NCF2: variants seen among roughly 807,000 people sequenced by gnomAD.
NCF2 encodes the protein neutrophil cytosol factor 2.
NCF2 carries 45 observed loss-of-function variants against 70.9 expected under a neutral mutation model. That is an observed-to-expected ratio of 0.63 (90% CI 0.50 to 0.81). The LOEUF (loss-of-function observed/expected upper bound fraction) is 0.81, where lower values mean the gene tolerates loss of function less well. Ranked by LOEUF, NCF2 falls within the 40% of genes least tolerant of loss-of-function variation. NCF2 has a pLI of 0.00. For missense variants in NCF2, 522 were observed against 631.6 expected (o/e 0.83, Z 1.86); for synonymous variants, 203 against 233.6 (o/e 0.87, Z 1.19).
intron 14 of NCF2, 40 bp from the exon 15 acceptor site, chr1:183,556,270 T>C (rs774347093): frequency 6.5e-7 from 1 of 1,545,098 alleles, no homozygotes; most frequent in Non-Finnish European, 9.0e-7. Flanking sequence ...CTAAAACCAC[T>C]GTAGGAAGAT....
At position 183,563,463 on chromosome 1, in the gene NCF2, C is replaced by CATGG; in HGVS notation, c.1148_1149insCCAT (p.Glu384HisfsTer9). 1 of 1,614,222 alleles carries CATGG rather than the reference C, an allele frequency of 6.2e-7. No individual in the cohort carries two copies. Among genetic ancestry groups the CATGG allele is most frequent in the Non-Finnish European group, 8.5e-7 (1 of 1,180,042 alleles). On this transcript the variant is annotated frameshift_variant, in exon 12 of 15. Coordinates refer to ENST00000367535, the MANE Select transcript of NCF2 (RefSeq NM_000433.4). LOFTEE classifies it high-confidence loss of function. ...GCTTAGTGTGTTCCAGCCGGAGCTC[C>CATGG]AGTTTCTTAGACACCATGTCCCGGA...
At chr1:183,568,904 G>GCC (rs532549013) in intron 7 of NCF2, among the ~76,000 whole-genome samples, 3 of 152,038 alleles carry the variant, frequency 2.0e-5, no homozygotes, top group Non-Finnish European at 4.4e-5. Context: ...CTGATGGCCA[G>GCC]CCCCACCACA....
chr1:183,567,532 C>T (rs986166767), intron 7 of NCF2, 187 bp from the exon 8 acceptor site: 10 of 780,712 alleles, frequency 1.3e-5, no homozygotes, highest in Middle Eastern at 2.2e-4. Context: ...TGGTGTACAC[C>T]TGCTCATAAC....
the NCF2 span, among the ~76,000 whole-genome samples, chr1:183,601,655 A>G: frequency 6.6e-6 from 1 of 152,086 alleles, no homozygotes; most frequent in Non-Finnish European, 1.5e-5. Context: ...CAGAAGATCA[A>G]GACCATCCTG....
At chr1:183,574,677 A>G in intron 3 of NCF2, 56 bp from the exon 4 acceptor site, 2 of 1,600,264 alleles carry the variant, frequency 1.2e-6, no homozygotes, top group South Asian at 2.2e-5. Context: ...TCAAGGTGCC[A>G]GGGAAAGGCT....
intron 2 of NCF2, among the ~76,000 whole-genome samples, chr1:183,583,391 A>G (rs10911364): frequency 0.081 from 12,312 of 152,054 alleles, 654 homozygotes; most frequent in African/African-American, 0.15. Flanking sequence ...TTAAGAAGTA[A>G]TTTCTCTAGC....
chr1:183,564,047 G>A lies in NCF2; in HGVS notation c.1001-17C>T, dbSNP rs768778355. The A allele has an allele frequency of 8.1e-6, 13 of 1,607,748 alleles. No individual in the cohort carries two copies. The East Asian group carries it at 1.1e-4, about 14-fold the overall frequency. On this transcript the variant is annotated splice_polypyrimidine_tract_variant and intron_variant, in intron 10 of 14. Coordinates refer to ENST00000367535, the MANE Select transcript of NCF2 (RefSeq NM_000433.4). ...GTTTCTGGCCTGAATGGAAAAAGTA[G>A]GGAGTAAAACAAAAGAAGATGGTGA...
chr1:183,558,302 C>T (rs990852198), intron 14 of NCF2, among the ~76,000 whole-genome samples: 14 of 151,262 alleles, frequency 9.3e-5, no homozygotes, highest in Admixed American at 8.6e-4. Context: ...GAGTCTCACT[C>T]TGTAACCCAG....
At chr1:183,556,765 G>A (rs1460931488) in intron 14 of NCF2, among the ~76,000 whole-genome samples, 1 of 152,202 alleles carries the variant, frequency 6.6e-6, no homozygotes, top group Non-Finnish European at 1.5e-5. Flanking sequence ...CTGGGCTCAA[G>A]TGATCCACCC....
the NCF2 span, among the ~76,000 whole-genome samples, chr1:183,599,432 T>TTC: frequency 1.1e-5 from 1 of 89,548 alleles, no homozygotes; most frequent in Non-Finnish European, 2.5e-5. Context: ...CCTTCTTTCT[T>TTC]TCTTTCTTTC....
intron 3 of NCF2, among the ~76,000 whole-genome samples, chr1:183,574,884 CA>C (rs1672728502): frequency 6.6e-6 from 1 of 152,090 alleles, no homozygotes; most frequent in African/African-American, 2.4e-5. Flanking sequence ...CAGGAAGGGA[CA>C]AGAATTATTG....
intron 13 of NCF2, among the ~76,000 whole-genome samples, chr1:183,562,915 G>T (rs1254823368): frequency 3.3e-5 from 5 of 152,140 alleles, no homozygotes; most frequent in African/African-American, 1.2e-4. Flanking sequence ...GTAATGGATG[G>T]GATGTTTGAC....
chr1:183,564,104 C>G, intron 10 of NCF2, 74 bp from the exon 11 acceptor site: 2 of 1,416,204 alleles, frequency 1.4e-6, no homozygotes, highest in South Asian at 1.1e-5. Context: ...CTGCCACACA[C>G]AGATGAAACC....
intron 3 of NCF2, among the ~76,000 whole-genome samples, chr1:183,574,884 C>G (rs1672728378): frequency 6.6e-6 from 1 of 152,090 alleles, no homozygotes; most frequent in Non-Finnish European, 1.5e-5. Flanking sequence ...CAGGAAGGGA[C>G]AAGAATTATT....
At chr1:183,580,097 TG>T (rs1672990657) in intron 2 of NCF2, among the ~76,000 whole-genome samples, 1 of 152,188 alleles carries the variant, frequency 6.6e-6, no homozygotes, top group Admixed American at 6.5e-5. Context: ...CCAGTGTGGC[TG>T]GGGGAGAAGC....
In NCF2 at chr1:183,571,114, C is replaced by CTTT. The variant is rs66625837; in HGVS notation, c.610-278_610-276dup. ...TGCAATTTGTATAACATCAAATTAT[C>CTTT]TTTTTTTTTTTTTTTTTTTTTGAGA... On this transcript the variant is annotated intron_variant, in intron 5 of 14. Coordinates refer to ENST00000367535, the MANE Select transcript of NCF2 (RefSeq NM_000433.4). Among the ~76,000 whole-genome samples, 280 of 106,760 alleles carry CTTT rather than the reference C, an allele frequency of 2.6e-3. 2 individuals carry two copies. Among genetic ancestry groups the CTTT allele is most frequent in the Non-Finnish European group, 3.2e-3 (176 of 54,678 alleles). The allele number at this position is 106,760 out of a possible 152,430, so 70.0% of individuals were successfully genotyped here.
chr1:183,559,613 C>A (rs535023017), intron 14 of NCF2, among the ~76,000 whole-genome samples: 3 of 152,242 alleles, frequency 2.0e-5, no homozygotes, highest in African/African-American at 7.2e-5. Context: ...AATCTCAGTA[C>A]TTTAGGAGGC....
chr1:183,586,922 C>A lies in NCF2; in HGVS notation c.230G>T (p.Arg77Leu), dbSNP rs119103275. ...CTCTGTCTGGTAGTAGAGCATCCCT[C>A]GTTGGAAGTAAGCCACTGCCAAGTG... ...DKHLAVAYFQ[R>L]GMLYYQTEKY... Residue 77 changes from arginine (R) to leucine (L), a missense_variant, in exon 2 of 15, where the codon CGA (arginine) becomes CTA (leucine). Arg to Leu is a moderately radical substitution (Grantham distance 102). Coordinates refer to ENST00000367535, the MANE Select transcript of NCF2 (RefSeq NM_000433.4). The A allele has an allele frequency of 6.2e-7, 1 of 1,614,070 alleles. No individual in the cohort carries two copies.
intron 7 of NCF2, 58 bp from the exon 8 acceptor site, chr1:183,567,403 AATACAC>A: frequency 6.2e-7 from 1 of 1,609,448 alleles, no homozygotes; most frequent in Non-Finnish European, 8.5e-7. Flanking sequence ...CCATGGCGCA[AATACAC>A]TGAACTTGGA....
Sources: allele counts gnomAD v4.1 joint callset (sites outside exome capture counted in the v4.1 genomes callset), GRCh38; gene constraint gnomAD v4.1.1; transcripts MANE v1.5; gene names NCBI Gene and HGNC (gene_info 2026-07-23, HGNC 2026-07-21).